HTR4: variants seen among roughly 807,000 people sequenced by gnomAD.
The protein encoded by HTR4 is 5-hydroxytryptamine (serotonin) receptor 4, G protein-coupled.
HTR4 carries 16 observed loss-of-function variants against 36.8 expected under a neutral mutation model. The ratio of observed to expected loss-of-function variants is 0.43; its 90% CI spans 0.29 to 0.66. The LOEUF (loss-of-function observed/expected upper bound fraction) is 0.66. HTR4 is among the 30% of genes least tolerant of loss of function. The probability of loss-of-function intolerance (pLI) is 0.13; values close to 1 mark genes in which losing one functional copy is unlikely to be tolerated. For synonymous variants in HTR4, 189 were observed against 185.1 expected, an observed-to-expected ratio of 1.02 and a Z score of -0.17; for missense variants, 438 against 490.9, an observed-to-expected ratio of 0.89 and a Z score of 1.02.
rs116242266 is a variant in HTR4 at position 148,463,601 on chromosome 5, A to G, written c.1077-12329T>C. On this transcript the variant is annotated intron_variant, in intron 5 of 5. Transcript: ENST00000521530. Reference sequence around the variant, plus strand: ...ACGAACATAAATGGAGATATATTCCATGCTCATGGATAGAAAGGCTAAATA... The same window carrying G: ...ACGAACATAAATGGAGATATATTCCGTGCTCATGGATAGAAAGGCTAAATA... 2.0e-3 allele frequency among the ~76,000 whole-genome samples: 298 copies of G among 152,296 alleles called. 1 individual carries two copies. Among genetic ancestry groups the G allele is most frequent in the African/African-American group, 6.9e-3 (287 of 41,568 alleles).
chr5:148,604,420 C>T (rs1458792914), intron 2 of HTR4, among the ~76,000 whole-genome samples: 2 of 152,126 alleles, frequency 1.3e-5, no homozygotes, highest in East Asian at 1.9e-4. Flanking sequence ...ATTTAGATCT[C>T]TTATACTGTT....
intron 1 of HTR4, among the ~76,000 whole-genome samples, chr5:148,651,032 G>A (rs1222045678): frequency 2.0e-5 from 3 of 152,154 alleles, no homozygotes; most frequent in African/African-American, 7.2e-5. Context: ...ACAGCTGAGA[G>A]AACTTGGGCA....
chr5:148,465,830 A>C lies in HTR4; in HGVS notation c.1077-14558T>G, dbSNP rs73266448. On this transcript the variant is annotated intron_variant, in intron 5 of 5. Transcript: ENST00000521530. Reference sequence around the variant, plus strand: ...ATAGGCAGACACAGACAGACTCACAACAGACAGTGACAGACTTACAGAGCA... The same window carrying C: ...ATAGGCAGACACAGACAGACTCACACCAGACAGTGACAGACTTACAGAGCA... The C allele has an allele frequency of 6.0e-3, 9,673 of 1,603,402 alleles. 522 individuals carry two copies. In the African/African-American group the frequency reaches 0.11, roughly 19 times the overall value.
rs920224619 is a variant in HTR4, at chr5:148,502,236, G to A, written c.1076+7220C>T. On this transcript the variant is annotated intron_variant, in intron 6 of 6. Transcript: ENST00000377888. ...CCTGACCCCCAAGTAGCCTAACTGG[G>A]AGGCACCTCCAAGTGGGGGCAGACT... 3.9e-5 allele frequency among the ~76,000 whole-genome samples: 6 copies of A among 152,160 alleles called. No individual in the cohort carries two copies. In the South Asian group the frequency reaches 8.3e-4, roughly 21 times the overall value.
At chr5:148,460,746 G>A (rs991664733) in intron 5 of HTR4, among the ~76,000 whole-genome samples, 6 of 152,038 alleles carry the variant, frequency 3.9e-5, no homozygotes, top group Non-Finnish European at 7.4e-5. Flanking sequence ...TAAAATAATA[G>A]CTTTTATTTT....
chr5:148,459,928 C>T (rs1046051080), intron 5 of HTR4, among the ~76,000 whole-genome samples: 10 of 151,936 alleles, frequency 6.6e-5, no homozygotes, highest in South Asian at 6.2e-4. Context: ...AGATGAGTAA[C>T]GTAAGCAATG....
At chr5:148,484,781 G>A (rs886873068) in intron 6 of HTR4, among the ~76,000 whole-genome samples, 9 of 152,072 alleles carry the variant, frequency 5.9e-5, no homozygotes, top group African/African-American at 2.2e-4. Context: ...TCTGAACATA[G>A]CTTTTGTTCA....
At chr5:148,462,067 A>C (rs1189198069) in intron 5 of HTR4, 2 of 152,174 alleles carry the variant, frequency 1.3e-5, no homozygotes, top group East Asian at 1.9e-4. Flanking sequence ...GACTAAATGA[A>C]GAAAGATCTA....
At chr5:148,649,176 T>G (rs536253379) in intron 1 of HTR4, among the ~76,000 whole-genome samples, 7 of 152,188 alleles carry the variant, frequency 4.6e-5, no homozygotes, top group African/African-American at 1.7e-4. Flanking sequence ...TGATAAATAT[T>G]CAATAAACAT....
intron 5 of HTR4, among the ~76,000 whole-genome samples, chr5:148,463,864 A>G (rs1755352459): frequency 6.6e-6 from 1 of 152,130 alleles, no homozygotes; most frequent in African/African-American, 2.4e-5. Flanking sequence ...ATGAAGCAGT[A>G]TAGTTTGGCC....
At chr5:148,592,051 G>A (rs1377779359) in intron 2 of HTR4, among the ~76,000 whole-genome samples, 1 of 152,160 alleles carries the variant, frequency 6.6e-6, no homozygotes, top group Non-Finnish European at 1.5e-5. Context: ...ATACTGTGCA[G>A]CCACGTAAAA....
At chr5:148,530,989 T>G (rs1426739568) in intron 4 of HTR4, among the ~76,000 whole-genome samples, 1 of 152,246 alleles carries the variant, frequency 6.6e-6, no homozygotes, top group African/African-American at 2.4e-5. Flanking sequence ...TTCTTCCATT[T>G]GGAATGGCCA....
intron 6 of HTR4, among the ~76,000 whole-genome samples, chr5:148,487,662 T>G: frequency 6.6e-6 from 1 of 152,080 alleles, no homozygotes; most frequent in East Asian, 1.9e-4. Flanking sequence ...CTCCAGCCAT[T>G]CTATTCATAC....
At chr5:148,627,971 A>G (rs1337064786) in intron 2 of HTR4, among the ~76,000 whole-genome samples, 1 of 152,228 alleles carries the variant, frequency 6.6e-6, no homozygotes, top group Non-Finnish European at 1.5e-5. Flanking sequence ...ACACTGAACA[A>G]CTGTACGCTG....
downstream of HTR4, among the ~76,000 whole-genome samples, chr5:148,475,046 A>AG (rs898917768): frequency 1.7e-5 from 1 of 57,944 alleles, no homozygotes; most frequent in South Asian, 6.3e-4. Flanking sequence ...CTCCTTCTCC[A>AG]AAAAAAAAAG....
chr5:148,459,541 C>A (rs925658785), intron 5 of HTR4, among the ~76,000 whole-genome samples: 3 of 152,122 alleles, frequency 2.0e-5, no homozygotes, highest in African/African-American at 4.8e-5. Flanking sequence ...CTAAGAAGCA[C>A]GTGTGAAGTT....
At chr5:148,455,182 T>C (rs1035566023) in intron 5 of HTR4, among the ~76,000 whole-genome samples, 1 of 152,198 alleles carries the variant, frequency 6.6e-6, no homozygotes, top group Non-Finnish European at 1.5e-5. Flanking sequence ...ATTAGAAAAC[T>C]GAGGCTCAGA....
chr5:148,586,649 A>G (rs1008631391), intron 2 of HTR4, among the ~76,000 whole-genome samples: 12 of 152,246 alleles, frequency 7.9e-5, no homozygotes, highest in African/African-American at 2.4e-4. Flanking sequence ...ACAATTAGAG[A>G]TGAGATTTGG....
In HTR4 at chr5:148,614,620, T is replaced by G. The variant is rs1023492884; in HGVS notation, c.26+22369A>C. Among the ~76,000 whole-genome samples the G allele has an allele frequency of 9.1e-4, 139 of 152,222 alleles. 1 individual carries two copies. Among genetic ancestry groups the G allele is most frequent in the African/African-American group, 2.6e-3 (106 of 41,534 alleles). On this transcript the variant is annotated intron_variant, in intron 2 of 6. Coordinates refer to ENST00000377888, the MANE Select transcript of HTR4 (RefSeq NM_000870.7). ...CATTACCATTCAGGACATAGGCATG[T>G]GCAAGGACTTCATGTCTAAGACACC...
Sources: allele counts gnomAD v4.1 joint callset (sites outside exome capture counted in the v4.1 genomes callset), GRCh38; gene constraint gnomAD v4.1.1; transcripts MANE v1.5; gene names NCBI Gene and HGNC (gene_info 2026-07-23, HGNC 2026-07-21).